Variants in MAJIN observed in about 807,000 individuals in gnomAD.
MAJIN encodes the protein membrane anchored junction protein, also known as membrane-anchored junction protein.
MAJIN carries 27 observed loss-of-function variants against 30.2 expected under a neutral mutation model. The ratio of observed to expected loss-of-function variants is 0.89; its 90% CI spans 0.66 to 1.23. MAJIN has a LOEUF of 1.23. Ranked by LOEUF, MAJIN falls within the 50% of genes most tolerant of loss-of-function variation. The pLI, the probability that MAJIN is intolerant of heterozygous loss-of-function variation, is 0.00. For missense variants in MAJIN, 253 were observed against 260.3 expected (o/e 0.97, Z 0.19); for synonymous variants, 78 against 91.6 (o/e 0.85, Z 0.85).
chr11:64,959,589 G>T (rs1945691981), intron 2 of MAJIN, among the ~76,000 whole-genome samples, 167 bp from the exon 3 acceptor site: 1 of 151,872 alleles, frequency 6.6e-6, no homozygotes, highest in Non-Finnish European at 1.5e-5. Context: ...CTACCTGCAT[G>T]GGGAGAATAC....
At chr11:64,969,481 T>G (rs1254378528) in intron 1 of MAJIN, among the ~76,000 whole-genome samples, 1 of 144,272 alleles carries the variant, frequency 6.9e-6, no homozygotes, top group African/African-American at 2.6e-5. Flanking sequence ...CATGACCAGA[T>G]GGCTGTGACT....
At chr11:64,952,770 T>C (rs545214720) in intron 4 of MAJIN, among the ~76,000 whole-genome samples, 25 of 152,206 alleles carry the variant, frequency 1.6e-4, no homozygotes, top group Admixed American at 1.6e-3. Context: ...AGTGGTGCGA[T>C]CTCGGCTCAC....
intron 6 of MAJIN, among the ~76,000 whole-genome samples, chr11:64,948,021 G>A (rs973142960): frequency 6.6e-6 from 1 of 151,106 alleles, no homozygotes; most frequent in African/African-American, 2.4e-5. Context: ...CACCACACCT[G>A]GCTAATTTTT....
At chr11:64,944,531 C>T (rs1210793727) in intron 8 of MAJIN, among the ~76,000 whole-genome samples, 2 of 152,146 alleles carry the variant, frequency 1.3e-5, no homozygotes, top group African/African-American at 4.8e-5. Flanking sequence ...TGATGACACA[C>T]GCCAGTAGTC....
intron 4 of MAJIN, among the ~76,000 whole-genome samples, chr11:64,952,787 C>T (rs985663149): frequency 6.6e-6 from 1 of 152,086 alleles, no homozygotes; most frequent in African/African-American, 2.4e-5. Flanking sequence ...TCACTGCAAC[C>T]TCCGCCTCCC....
intron 10 of MAJIN, among the ~76,000 whole-genome samples, chr11:64,939,397 G>A (rs894573366): frequency 6.6e-6 from 1 of 152,232 alleles, no homozygotes; most frequent in African/African-American, 2.4e-5. Context: ...ACCCGGCCTG[G>A]CCCAAGTTAA....
intron 6 of MAJIN, among the ~76,000 whole-genome samples, chr11:64,949,062 C>T (rs572035932): frequency 3.4e-4 from 52 of 151,136 alleles, no homozygotes; most frequent in Non-Finnish European, 3.7e-4. Context: ...GTGGCTCATG[C>T]CTGTAATCCC....
rs35240492 is a variant in MAJIN, at chr11:64,968,831, C to CAA, written c.-65+3044_-65+3045dup. On this transcript the variant is annotated intron_variant, in intron 1 of 10. Transcript: ENST00000301896. The stretch of plus-strand genomic sequence containing the variant: ...TGGGCCACAGAGCGAGACTCTGTCT[C>CAA]AAAAAAAAAAAAAACAAGAATGAGC... Among the ~76,000 whole-genome samples the CAA allele has an allele frequency of 7.3e-3, 794 of 108,608 alleles. 7 individuals are homozygous for CAA. Among genetic ancestry groups the CAA allele is most frequent in the African/African-American group, 0.022 (671 of 30,328 alleles). 71.3% of individuals were successfully genotyped at this position (108,608 alleles called of 152,430 possible). A position where few individuals can be genotyped will look rare whatever the true frequency, so the allele number is the denominator to read the frequency against.
chr11:64,950,194 G>T (rs577601301), intron 5 of MAJIN, among the ~76,000 whole-genome samples, 161 bp downstream of exon 5: 5 of 152,174 alleles, frequency 3.3e-5, no homozygotes, highest in African/African-American at 9.6e-5. Context: ...GCCGGGTGTG[G>T]TGGCATGTGC....
chr11:64,970,342 G>A (rs1340612383), intron 1 of MAJIN, among the ~76,000 whole-genome samples: 6 of 142,260 alleles, frequency 4.2e-5, no homozygotes, highest in Non-Finnish European at 9.3e-5. Context: ...CAGCCTGGGG[G>A]ACAAGAGCAA....
At chr11:64,953,735 G>A (rs571473535) in intron 4 of MAJIN, among the ~76,000 whole-genome samples, 1 of 152,260 alleles carries the variant, frequency 6.6e-6, no homozygotes, top group South Asian at 2.1e-4. Flanking sequence ...AGGTTGCAGT[G>A]AGCCAAAATC....
At chr11:64,940,675 T>A in intron 8 of MAJIN, 29 bp from the exon 9 acceptor site, 1 of 1,595,288 alleles carries the variant, frequency 6.3e-7, no homozygotes, top group Non-Finnish European at 8.6e-7. Context: ...AGAAAAGCCT[T>A]AAACTTTCCT....
At chr11:64,965,450 T>A (rs1409314700) in intron 1 of MAJIN, among the ~76,000 whole-genome samples, 1 of 152,172 alleles carries the variant, frequency 6.6e-6, no homozygotes, top group Non-Finnish European at 1.5e-5. Flanking sequence ...TTTCTCTTTG[T>A]TACTCTTTGC....
intron 3 of MAJIN, among the ~76,000 whole-genome samples, chr11:64,956,318 A>G (rs1218307828): frequency 1.4e-5 from 2 of 141,810 alleles, no homozygotes; most frequent in African/African-American, 2.5e-5. Flanking sequence ...AAATAAATAA[A>G]TAAAAATAAA....
In MAJIN at chr11:64,948,612, TATATATATATATATATATATATATATA is replaced by T. The variant is rs1428877331; in HGVS notation, c.350-820_350-794del. Among the ~76,000 whole-genome samples the T allele has an allele frequency of 7.4e-3, 244 of 33,010 alleles. 3 individuals are homozygous for T. The highest frequency in any genetic ancestry group is 0.044 in the African/African-American group (238 of 5,470). The allele number at this position is 33,010 out of a possible 152,430, so 21.7% of individuals were successfully genotyped here. On this transcript the variant is annotated intron_variant, in intron 6 of 10. Coordinates refer to ENST00000301896, the MANE Select transcript of MAJIN (RefSeq NM_001037225.3). The stretch of plus-strand genomic sequence containing the variant: ...CATGTCGGGCTACATCATATATATA[TATATATATATATATATATATATATATA>T]TTTTTTTTTTTTTTTTTTTTTTTTT...
At chr11:64,948,980 A>G (rs1945506364) in intron 6 of MAJIN, among the ~76,000 whole-genome samples, 1 of 150,560 alleles carries the variant, frequency 6.6e-6, no homozygotes, top group Admixed American at 6.7e-5. Context: ...TCAAAAGGGT[A>G]GGTGTTTACT....
At chr11:64,958,615 AAAG>A (rs1242409285) in intron 3 of MAJIN, among the ~76,000 whole-genome samples, 4 of 150,972 alleles carry the variant, frequency 2.6e-5, no homozygotes, top group Middle Eastern at 3.4e-3. Context: ...AAAAAAAAAA[AAAG>A]AAAGAAAAAT....
rs151267662 is a variant in MAJIN at position 64,946,226 on chromosome 11, C to A, written c.473+1148G>T. Reference sequence around the variant, plus strand: ...ATCACTACATTCAAGCAAATGTGGCCCAAATGAATATTTCAGCAGGTTGGC... The same window carrying A: ...ATCACTACATTCAAGCAAATGTGGCACAAATGAATATTTCAGCAGGTTGGC... On this transcript the variant is annotated intron_variant, in intron 8 of 10. Coordinates refer to ENST00000301896, the MANE Select transcript of MAJIN (RefSeq NM_001037225.3). 2.0e-3 allele frequency: 2,827 copies of A among 1,431,900 alleles called. 7 individuals are homozygous for A. Among genetic ancestry groups the A allele is most frequent in the Admixed American group, 6.2e-3 (267 of 43,072 alleles). The allele number at this position is 1,431,900 out of a possible 1,614,324, so 88.7% of individuals were successfully genotyped here.
chr11:64,956,615 C>T (rs1164349498), intron 3 of MAJIN, among the ~76,000 whole-genome samples: 3 of 151,746 alleles, frequency 2.0e-5, no homozygotes, highest in Admixed American at 6.6e-5. Flanking sequence ...CACATTGCAA[C>T]TAATCTTAAA....
Sources: gnomAD v4.1 joint callset for allele counts (sites outside exome capture counted in the v4.1 genomes callset) on GRCh38, gnomAD v4.1.1 for gene constraint, MANE v1.5 for transcripts, NCBI Gene and HGNC (gene_info 2026-07-23, HGNC 2026-07-21) for gene names.